The following NUTM1 variants were observed in gnomAD, a reference collection of about 807,000 sequenced individuals.
NUTM1 encodes the protein NUT midline carcinoma family member 1, also known as NUT family member 1.
In NUTM1, 39 loss-of-function variants were observed where a neutral mutation model predicts 88.7. The observed-to-expected ratio is 0.44, with a 90% CI of 0.34 to 0.57. The LOEUF (loss-of-function observed/expected upper bound fraction) is 0.57. Ranked by LOEUF, NUTM1 falls within the 20% of genes least tolerant of loss-of-function variation. The probability of loss-of-function intolerance (pLI) is 0.01; values close to 1 mark genes in which losing one functional copy is unlikely to be tolerated. For synonymous variants in NUTM1, 494 were observed against 538.0 expected (o/e 0.92, Z 1.13); for missense variants, 1,350 against 1,414.5 (o/e 0.95, Z 0.73).
In NUTM1 at chr15:34,356,379, G is replaced by A. The variant is rs1890809836; in HGVS notation, c.2371G>A (p.Gly791Ser). The A allele has an allele frequency of 1.9e-6, 3 of 1,613,106 alleles. No homozygotes were observed. Among genetic ancestry groups the A allele is most frequent in the Non-Finnish European group, 2.5e-6 (3 of 1,179,680 alleles). The stretch of plus-strand genomic sequence containing the variant: ...GTATCAGGAAGGCTGCCAGGGACTG[G>A]GCTCCAGGGGCAACATTTCCCTGGG... ...TEYQEGCQGLGSRGNISLGPG... is the reference protein window; with the variant it reads ...TEYQEGCQGLSSRGNISLGPG... The change falls in exon 8 of 8, where the codon GGC becomes AGC. Residue 791 changes from glycine (G) to serine (S), a missense_variant. Transcript: ENST00000537011.
At chr15:34,354,282 A>G (rs996916390) in intron 5 of NUTM1, among the ~76,000 whole-genome samples, 164 bp from the exon 6 acceptor site, 2 of 152,152 alleles carry the variant, frequency 1.3e-5, no homozygotes, top group African/African-American at 4.8e-5. Context: ...AACCATTTCA[A>G]TGTACCCAGA....
At position 34,356,550 on chromosome 15, in the gene NUTM1, G is replaced by A; in HGVS notation, c.2542G>A (p.Glu848Lys). Residue 848 changes from glutamate to lysine, a missense_variant, in exon 8 of 8, where the codon GAA becomes AAA. By Grantham distance (56) the Glu-to-Lys change is moderately conservative (BLOSUM62 1). This residue lies in a region of NUTM1 where 730 missense variants were observed against 728.8 expected (regional missense o/e 1.00). Transcript: ENST00000537011. ...RANSPPLRSK[E>K]NQEQSCETVG... ...CAACAGCCCACCCTTGAGGTCCAAA[G>A]AAAATCAAGAACAGAGCTGTGAAAC... The A allele has an allele frequency of 6.2e-7, 1 of 1,614,000 alleles. No individual in the cohort carries two copies. The highest frequency in any genetic ancestry group is 2.2e-5 in the East Asian group (1 of 44,878).
Position 34,348,638 on chromosome 15 carries a change from C to T in NUTM1, c.770C>T (p.Ser257Phe). The T allele has an allele frequency of 1.2e-6, 2 of 1,608,404 alleles. No individual in the cohort carries two copies. The highest frequency in any genetic ancestry group is 1.7e-4 in the Middle Eastern group (1 of 6,060). ...RYKALARRHLSQSPDTEALSC... is the reference protein window; with the variant it reads ...RYKALARRHLFQSPDTEALSC... ...AAAGCCTTGGCCCGGAGGCACCTAT[C>T]CCAGAGTCCTGACACAGAAGCTCTT... is the stretch of plus-strand genomic sequence containing the variant. The change falls in exon 3 of 8, where the codon TCC becomes TTC. Residue 257 changes from serine to phenylalanine, a missense_variant. Physicochemically the swap from Ser to Phe is radical, Grantham distance 155. Coordinates refer to ENST00000537011, the MANE Select transcript of NUTM1 (RefSeq NM_001284292.2).
At position 34,350,692 on chromosome 15, in the gene NUTM1, T is replaced by C. The variant is rs759091297; in HGVS notation, c.810-12T>C. ...CACTTTTAGAATGTGACTGACTCAA[T>C]GGGGGTTTTAGCCCAGTGCTTCGTT... On this transcript the variant is annotated splice_polypyrimidine_tract_variant and intron_variant, in intron 3 of 7. Coordinates refer to ENST00000537011, the MANE Select transcript of NUTM1 (RefSeq NM_001284292.2). 1 of 1,609,644 alleles carries C rather than the reference T, an allele frequency of 6.2e-7. No individual in the cohort carries two copies. Among genetic ancestry groups the C allele is most frequent in the African/African-American group, 1.3e-5 (1 of 74,684 alleles).
At chr15:34,350,945 G>T in intron 4 of NUTM1, 113 bp downstream of exon 4, 2 of 1,370,456 alleles carry the variant, frequency 1.5e-6, no homozygotes, top group South Asian at 1.2e-5. Flanking sequence ...AGGATGGGGC[G>T]CAGCGGCTCA....
intron 3 of NUTM1, 57 bp downstream of exon 3, chr15:34,348,734 G>A: frequency 7.8e-7 from 1 of 1,285,622 alleles, no homozygotes; most frequent in Non-Finnish European, 1.1e-6. Context: ...GGAGGACTTT[G>A]GGGTGAACAT....
At position 34,343,846 on chromosome 15, in the gene NUTM1, C is replaced by A. The variant is rs551486051; in HGVS notation, c.6+144C>A. The stretch of plus-strand genomic sequence containing the variant: ...AATATCATTACAAAGATCATCGTTA[C>A]GCCATTATTTACAATGACAAAAGCA... On this transcript the variant is annotated intron_variant, in intron 1 of 7. Transcript: ENST00000537011. 5.9e-4 allele frequency: 402 copies of A among 683,024 alleles called. 2 individuals are homozygous for A. The highest frequency in any genetic ancestry group is 5.7e-3 in the Middle Eastern group (14 of 2,436). 42.3% of individuals were successfully genotyped at this position (683,024 alleles called of 1,614,324 possible). A position where few individuals can be genotyped will look rare whatever the true frequency, so the allele number is the denominator to read the frequency against.
At chr15:34,351,227 CAAAAAAAAAAAAAAAAAAAAAA>C (rs397853945) in intron 4 of NUTM1, among the ~76,000 whole-genome samples, 1 of 34,466 alleles carries the variant, frequency 2.9e-5, no homozygotes, top group Non-Finnish European at 4.7e-5. Flanking sequence ...GACTCCATCT[CAAAAAAAAAAAAAAAAAAAAAA>C]AAAAAAAAAA....
chr15:34,353,493 C>A (rs1334197373), intron 4 of NUTM1, among the ~76,000 whole-genome samples: 1 of 152,182 alleles, frequency 6.6e-6, no homozygotes, highest in Admixed American at 6.5e-5. Flanking sequence ...CCCCACCTGG[C>A]CATTCATTTT....
At position 34,346,881 on chromosome 15, in the gene NUTM1, TAAAAAAAA is replaced by T. The variant is rs10671676; in HGVS notation, c.100+865_100+872del. Among the ~76,000 whole-genome samples, 139 of 34,322 alleles carry T rather than the reference TAAAAAAAA, an allele frequency of 4.0e-3. 3 individuals are homozygous for T. Among genetic ancestry groups the T allele is most frequent in the African/African-American group, 0.015 (127 of 8,480 alleles). 22.5% of individuals were successfully genotyped at this position (34,322 alleles called of 152,430 possible). ...ATGGGCCACAGAGCAAGACTCCATCTAAAAAAAAAAAAAAAAAAAAAAAAAAGCAGCAC... is the reference window on the plus strand; with the variant it reads ...ATGGGCCACAGAGCAAGACTCCATCTAAAAAAAAAAAAAAAAAAGCAGCAC... On this transcript the variant is annotated intron_variant, in intron 2 of 7. Coordinates refer to ENST00000537011, the MANE Select transcript of NUTM1 (RefSeq NM_001284292.2).
At position 34,343,587 on chromosome 15, in the gene NUTM1, C is replaced by A. The variant is rs1369824488; in HGVS notation, c.-110C>A. 2.2e-5 allele frequency: 34 copies of A among 1,534,486 alleles called. No individual in the cohort carries two copies. Among genetic ancestry groups the A allele is most frequent in the Non-Finnish European group, 3.0e-5 (34 of 1,146,194 alleles). ...AGAATGCATGTTGAGTATCAATATT[C>A]CGTAAAGCGAAAGAGCGTAAAGTTA... On this transcript the variant is annotated 5_prime_UTR_variant, in exon 1 of 8. Transcript: ENST00000537011.
rs1358989179 is a variant in NUTM1 at position 34,356,771 on chromosome 15, T to A, written c.2763T>A (p.Pro921=). The change falls in exon 8 of 8, where the codon CCT becomes CCA. Residue 921 remains proline (P), a synonymous_variant. Transcript: ENST00000537011. ...EAGSRGNSFS[P]LLETIEPVNI... is the part of the protein sequence containing the mutation. ...GGAGCAGAGGCAATTCCTTTTCTCC[T>A]CTGTTGGAAACCATAGAACCTGTCA... 1.2e-6 allele frequency: 2 copies of A among 1,612,354 alleles called. No homozygotes were observed. The highest frequency in any genetic ancestry group is 1.7e-6 in the Non-Finnish European group (2 of 1,179,552).
Position 34,350,724 on chromosome 15 carries a change from C to T in NUTM1, c.830C>T (p.Ala277Val). 6.2e-7 allele frequency: 1 copy of T among 1,612,734 alleles called. No individual in the cohort carries two copies. The highest frequency in any genetic ancestry group is 8.5e-7 in the Non-Finnish European group (1 of 1,179,858). ...CFLIPVLRSL[A>V]RLKPTMTLEE... ...TTTAGCCCAGTGCTTCGTTCCCTGG[C>T]CCGGCTGAAGCCCACTATGACCCTG... The change falls in exon 4 of 8, where the codon GCC becomes GTC. Residue 277 changes from alanine (A) to valine (V), a missense_variant. Transcript: ENST00000537011.
chr15:34,356,116 A>G lies in NUTM1; in HGVS notation c.2108A>G (p.Glu703Gly), dbSNP rs751085670. 3.1e-6 allele frequency: 5 copies of G among 1,613,204 alleles called. No individual in the cohort carries two copies. The highest frequency in any genetic ancestry group is 1.3e-5 in the African/African-American group (1 of 74,908). The stretch of plus-strand genomic sequence containing the variant: ...CGTGGAGTGCTTCCTCAAGGGAAGG[A>G]GCCTTTAGCAGTGCCCTGGGAAGGC... ...GGRGVLPQGKEPLAVPWEGSS... is the reference protein window; with the variant it reads ...GGRGVLPQGKGPLAVPWEGSS... Residue 703 changes from glutamate (E) to glycine (G), a missense_variant, in exon 8 of 8, where the codon GAG (glutamate) becomes GGG (glycine). By Grantham distance (98) the Glu-to-Gly change is moderately conservative (BLOSUM62 -2). Around this residue, in one of 5 missense-constraint regions of NUTM1, gnomAD observed 730 missense variants for 728.8 expected, o/e 1.00. Transcript: ENST00000537011.
rs1451056144 is a variant in NUTM1 at position 34,343,590 on chromosome 15, T to G, written c.-107T>G. 1.3e-6 allele frequency: 2 copies of G among 1,534,788 alleles called. No homozygotes were observed. Among genetic ancestry groups the G allele is most frequent in the African/African-American group, 2.7e-5 (2 of 73,018 alleles). On this transcript the variant is annotated 5_prime_UTR_variant, in exon 1 of 8. It removes the in-frame stop codon of an upstream open reading frame in the 5' UTR. Coordinates refer to ENST00000537011, the MANE Select transcript of NUTM1 (RefSeq NM_001284292.2). The stretch of plus-strand genomic sequence containing the variant: ...ATGCATGTTGAGTATCAATATTCCG[T>G]AAAGCGAAAGAGCGTAAAGTTATTT...
chr15:34,345,763 G>A, intron 1 of NUTM1, 179 bp from the exon 2 acceptor site: 1 of 792,358 alleles, frequency 1.3e-6, no homozygotes, highest in Non-Finnish European at 1.9e-6. Context: ...TAGTTTGAAG[G>A]GAATTCCTGG....
In NUTM1 at chr15:34,357,204, A is replaced by G; in HGVS notation, c.3196A>G (p.Ser1066Gly). 1 of 1,614,172 alleles carries G rather than the reference A, an allele frequency of 6.2e-7. No homozygotes were observed. The change falls in exon 8 of 8, where the codon AGT becomes GGT. Residue 1066 changes from serine to glycine, a missense_variant. By Grantham distance (56) the Ser-to-Gly change is moderately conservative (BLOSUM62 0). Transcript: ENST00000537011. ...LSLSPREHPLSPHHASGGQGS... is the reference protein window; with the variant it reads ...LSLSPREHPLGPHHASGGQGS... ...CCTCTCACCAAGGGAGCATCCCCTC[A>G]GTCCTCACCATGCCTCAGGAGGTCA...
rs1353175071 is a variant in NUTM1, at chr15:34,356,040, G to A, written c.2032G>A (p.Gly678Arg). ...AGAGCTGGCTCCTCTGCAAGGACAA[G>A]GGTTAGAAAAGCAAGTCCTGGGATT... Reference protein sequence around the residue: ...LAELAPLQGQGLEKQVLGLQK... With the variant: ...LAELAPLQGQRLEKQVLGLQK... The change falls in exon 8 of 8, where the codon GGG becomes AGG. Residue 678 changes from glycine to arginine, a missense_variant. By Grantham distance (125) the Gly-to-Arg change is moderately radical. Transcript: ENST00000537011. The A allele has an allele frequency of 1.2e-6, 2 of 1,614,144 alleles. No individual in the cohort carries two copies. The highest frequency in any genetic ancestry group is 2.2e-5 in the South Asian group (2 of 91,084).
At position 34,356,470 on chromosome 15, in the gene NUTM1, C is replaced by G; in HGVS notation, c.2462C>G (p.Ala821Gly). ...SSVIPCGGTV[A>G]AAALEKRNYC... Reference sequence around the variant, plus strand: ...GTGATTCCCTGTGGAGGCACAGTTGCGGCAGCTGCCCTAGAAAAGAGAAAC... The same window carrying G: ...GTGATTCCCTGTGGAGGCACAGTTGGGGCAGCTGCCCTAGAAAAGAGAAAC... The change falls in exon 8 of 8, where the codon GCG becomes GGG. Residue 821 changes from alanine to glycine, a missense_variant. Physicochemically the swap from Ala to Gly is moderately conservative, Grantham distance 60 (BLOSUM62 0). Around this residue, in one of 5 missense-constraint regions of NUTM1, gnomAD observed 730 missense variants for 728.8 expected, o/e 1.00. Coordinates refer to ENST00000537011, the MANE Select transcript of NUTM1 (RefSeq NM_001284292.2). 3 of 1,612,886 alleles carry G rather than the reference C, an allele frequency of 1.9e-6. No individual in the cohort carries two copies. The South Asian group carries it at 3.3e-5, about 18-fold the overall frequency.
Sources: allele counts gnomAD v4.1 joint callset (sites outside exome capture counted in the v4.1 genomes callset), GRCh38; gene constraint gnomAD v4.1.1; regional missense constraint gnomAD v4.1.1; transcripts MANE v1.5; gene names NCBI Gene and HGNC (gene_info 2026-07-23, HGNC 2026-07-21).